Variants in ZFP36L2 observed in about 807,000 individuals in gnomAD.
ZFP36L2 encodes ZFP36 like 2 zinc finger CCCH-type, also known as mRNA decay activator protein ZFP36L2.
ZFP36L2 carries 16 observed loss-of-function variants against 27.9 expected under a neutral mutation model. That is an observed-to-expected ratio of 0.57 (90% confidence interval 0.39 to 0.87). ZFP36L2 has a LOEUF of 0.87. ZFP36L2 is among the 40% of genes least tolerant of loss of function. The pLI is 0.00. For missense variants in ZFP36L2, 989 were observed against 726.9 expected (o/e 1.36, Z -4.15); for synonymous variants, 600 against 363.8 (o/e 1.65, Z -7.39).
In ZFP36L2 at chr2:43,224,414, G is replaced by C. The variant is rs749594299; in HGVS notation, c.1390C>G (p.Leu464Val). 4 of 1,557,038 alleles carry C rather than the reference G, an allele frequency of 2.6e-6. No individual in the cohort carries two copies. In the South Asian group the frequency reaches 4.6e-5, roughly 18 times the overall value. Residue 464 changes from leucine to valine, a missense_variant, in exon 2 of 2, where the codon CTG becomes GTG. By Grantham distance (32) the Leu-to-Val change is conservative. Transcript: ENST00000282388. ...GAGCCGCTGAGGCTGCCGGAGCTCA[G>C]GGAGCCGCTTAGGTAGCTGTCGCGG... Reference protein sequence around the residue: ...SDRDSYLSGSLSSGSLSGSES... With the variant: ...SDRDSYLSGSVSSGSLSGSES...
chr2:43,226,185 C>T, intron 1 of ZFP36L2, 80 bp downstream of exon 1: 1 of 1,521,174 alleles, frequency 6.6e-7, no homozygotes, highest in South Asian at 1.2e-5. Flanking sequence ...GCGGGAGGGG[C>T]GTCCCCCAGA....
At position 43,225,802 on chromosome 2, in the gene ZFP36L2, C is replaced by A; in HGVS notation, c.52-50G>T. ...AGGGATGAAAAACGGAAGGGGAAGA[C>A]AGACTCGGGGCGAGCCGCAGAGGAA... On this transcript the variant is annotated intron_variant, in intron 1 of 1. Coordinates refer to ENST00000282388, the MANE Select transcript of ZFP36L2 (RefSeq NM_006887.5). The A allele has an allele frequency of 2.0e-6, 3 of 1,534,678 alleles. No homozygotes were observed. The South Asian group carries it at 3.5e-5, about 18-fold the overall frequency.
rs1169558647 is a variant in ZFP36L2, at chr2:43,224,647, A to G, written c.1157T>C (p.Val386Ala). The change falls in exon 2 of 2, where the codon GTG (valine) becomes GCG (alanine). Residue 386 changes from valine to alanine, a missense_variant. By Grantham distance (64) the Val-to-Ala change is moderately conservative (BLOSUM62 0). Coordinates refer to ENST00000282388, the MANE Select transcript of ZFP36L2 (RefSeq NM_006887.5). Reference sequence around the variant, plus strand: ...ACTGCGGTAGTAGGCGGCGGCGGCCACGGCGGCAAAGTTGTGGGTCTGGAT... The same window carrying G: ...ACTGCGGTAGTAGGCGGCGGCGGCCGCGGCGGCAAAGTTGTGGGTCTGGAT... Reference protein sequence around the residue: ...LAIQTHNFAAVAAAAYYRSQQ... With the variant: ...LAIQTHNFAAAAAAAYYRSQQ... The G allele has an allele frequency of 2.0e-6, 3 of 1,505,838 alleles. No homozygotes were observed. Among genetic ancestry groups the G allele is most frequent in the African/African-American group, 1.4e-5 (1 of 69,156 alleles). 93.3% of individuals were successfully genotyped at this position (1,505,838 alleles called of 1,614,324 possible). A position where few individuals can be genotyped will look rare whatever the true frequency, so the allele number is the denominator to read the frequency against.
chr2:43,225,775 G>T (rs748048225), intron 1 of ZFP36L2, 23 bp from the exon 2 acceptor site: 8 of 1,572,732 alleles, frequency 5.1e-6, no homozygotes, highest in Non-Finnish European at 6.9e-6. Flanking sequence ...GGGGAGCGGG[G>T]AAGGGATGAA....
rs1257725182 is a variant in ZFP36L2, at chr2:43,225,088, C to G, written c.716G>C (p.Arg239Pro). The G allele has an allele frequency of 1.3e-6, 2 of 1,593,820 alleles. No homozygotes were observed. The highest frequency in any genetic ancestry group is 1.1e-5 in the South Asian group (1 of 90,786). ...CGGGAAGCCCAGGTGCAACGCATCG[C>G]GCGTGCCAAAGGCACGCAGGTCCCC... Reference protein sequence around the residue: ...ASGDLRAFGTRDALHLGFPRE... With the variant: ...ASGDLRAFGTPDALHLGFPRE... Residue 239 changes from arginine (R) to proline (P), a missense_variant, in exon 2 of 2, where the codon CGC (arginine) becomes CCC (proline). Transcript: ENST00000282388.
chr2:43,226,372 G>A lies in ZFP36L2; in HGVS notation c.-57C>T. The A allele has an allele frequency of 3.9e-6, 6 of 1,551,050 alleles. No homozygotes were observed. The highest frequency in any genetic ancestry group is 1.7e-4 in the Middle Eastern group (1 of 5,838). ...GGCCGGGAGGTCGGGAGGAGCCCTT[G>A]GGGCGGCGTGGCCGGGCTTGAGCCA... is the stretch of plus-strand genomic sequence containing the variant. On this transcript the variant is annotated 5_prime_UTR_variant, in exon 1 of 2. Coordinates refer to ENST00000282388, the MANE Select transcript of ZFP36L2 (RefSeq NM_006887.5).
chr2:43,226,594 A>T lies in ZFP36L2; in HGVS notation c.-279T>A. On this transcript the variant is annotated 5_prime_UTR_variant, in exon 1 of 2. Coordinates refer to ENST00000282388, the MANE Select transcript of ZFP36L2 (RefSeq NM_006887.5). ...CCGCGGAGCCGACGGCAGCTCGCGG[A>T]CTGCTGGAACTCGGCGGCCTCCGAG... 1 of 467,222 alleles carries T rather than the reference A, an allele frequency of 2.1e-6. No homozygotes were observed. Among genetic ancestry groups the T allele is most frequent in the East Asian group, 4.1e-5 (1 of 24,286 alleles). 28.9% of individuals were successfully genotyped at this position (467,222 alleles called of 1,614,324 possible).
rs760046990 is a variant in ZFP36L2, at chr2:43,224,878, G to A, written c.926C>T (p.Ala309Val). The A allele has an allele frequency of 1.4e-5, 21 of 1,511,688 alleles. 1 individual carries two copies. Among genetic ancestry groups the A allele is most frequent in the South Asian group, 3.7e-5 (3 of 80,856 alleles). The allele number at this position is 1,511,688 out of a possible 1,614,324, so 93.6% of individuals were successfully genotyped here. Residue 309 changes from alanine to valine, a missense_variant, in exon 2 of 2, where the codon GCC (alanine) becomes GTC (valine). Coordinates refer to ENST00000282388, the MANE Select transcript of ZFP36L2 (RefSeq NM_006887.5). ...CSSSASSCSS[A>V]SAASTPSGAP... The stretch of plus-strand genomic sequence containing the variant: ...GCCCGAGGGCGTGGAGGCCGCGGAG[G>A]CCGAGGAACAGGAGGAGGCGGAGGA...
rs1420356900 is a variant in ZFP36L2 at position 43,225,002 on chromosome 2, G to A, written c.802C>T (p.His268Tyr). 5.7e-6 allele frequency: 9 copies of A among 1,592,880 alleles called. No individual in the cohort carries two copies. Among genetic ancestry groups the A allele is most frequent in the Non-Finnish European group, 6.8e-6 (8 of 1,177,956 alleles). ...GACTCGAGGCCGCCCGGGGGCTGAT[G>A]GTGGCCCGACGGGAAGCCCGAGAAG... is the stretch of plus-strand genomic sequence containing the variant. ...LSFSGFPSGH[H>Y]QPPGGLESPL... Residue 268 changes from histidine to tyrosine, a missense_variant, in exon 2 of 2, where the codon CAT becomes TAT. By Grantham distance (83) the His-to-Tyr change is moderately conservative. Coordinates refer to ENST00000282388, the MANE Select transcript of ZFP36L2 (RefSeq NM_006887.5).
intron 1 of ZFP36L2, 92 bp downstream of exon 1, chr2:43,226,173 G>A (rs934790913): frequency 1.2e-5 from 18 of 1,506,692 alleles, no homozygotes; most frequent in Admixed American, 2.0e-5. Flanking sequence ...CTGAAAGGCA[G>A]GGCGGGAGGG....
In ZFP36L2 at chr2:43,224,460, G is replaced by A. The variant is rs1667036855; in HGVS notation, c.1344C>T (p.Ser448=). The A allele has an allele frequency of 2.0e-6, 3 of 1,515,478 alleles. No individual in the cohort carries two copies. Among genetic ancestry groups the A allele is most frequent in the Non-Finnish European group, 2.6e-6 (3 of 1,137,420 alleles). 93.9% of individuals were successfully genotyped at this position (1,515,478 alleles called of 1,614,324 possible). The change falls in exon 2 of 2, where the codon AGC becomes AGT. Residue 448 remains serine (S), a synonymous_variant. Transcript: ENST00000282388. ...CGCGGTCCGACAGCGAGTCCGGGGG[G>A]CTGGGGGGCGCGTCGAACACGGGCG... ...SDSPVFDAPP[S]PPDSLSDRDS...
rs1572680529 is a variant in ZFP36L2 at position 43,224,455 on chromosome 2, G to A, written c.1349C>T (p.Pro450Leu). The A allele has an allele frequency of 1.3e-6, 2 of 1,514,970 alleles. No homozygotes were observed. Among genetic ancestry groups the A allele is most frequent in the Non-Finnish European group, 1.8e-6 (2 of 1,137,086 alleles). The allele number at this position is 1,514,970 out of a possible 1,614,324, so 93.8% of individuals were successfully genotyped here. A position where few individuals can be genotyped will look rare whatever the true frequency, so the allele number is the denominator to read the frequency against. ...GCTGTCGCGGTCCGACAGCGAGTCCGGGGGGCTGGGGGGCGCGTCGAACAC... is the reference window on the plus strand; with the variant it reads ...GCTGTCGCGGTCCGACAGCGAGTCCAGGGGGCTGGGGGGCGCGTCGAACAC... Reference protein sequence around the residue: ...SPVFDAPPSPPDSLSDRDSYL... With the variant: ...SPVFDAPPSPLDSLSDRDSYL... The change falls in exon 2 of 2, where the codon CCG becomes CTG. Residue 450 changes from proline to leucine, a missense_variant. Coordinates refer to ENST00000282388, the MANE Select transcript of ZFP36L2 (RefSeq NM_006887.5).
chr2:43,223,438 T>C lies in ZFP36L2; in HGVS notation c.*881A>G, dbSNP rs1056699338. The C allele has an allele frequency of 5.6e-4, 85 of 152,438 alleles. No individual in the cohort carries two copies. Among genetic ancestry groups the C allele is most frequent in the Middle Eastern group, 3.4e-3 (1 of 294 alleles). 9.4% of individuals were successfully genotyped at this position (152,438 alleles called of 1,614,324 possible). ...AAATACAGTATGAACAAAATTTTCA[T>C]TGTATACTTTTCACAAGATAATAAA... is the stretch of plus-strand genomic sequence containing the variant. On this transcript the variant is annotated 3_prime_UTR_variant, in exon 2 of 2. Coordinates refer to ENST00000282388, the MANE Select transcript of ZFP36L2 (RefSeq NM_006887.5).
chr2:43,223,472 A>G lies in ZFP36L2; in HGVS notation c.*847T>C, dbSNP rs1667011266. On this transcript the variant is annotated 3_prime_UTR_variant, in exon 2 of 2. Coordinates refer to ENST00000282388, the MANE Select transcript of ZFP36L2 (RefSeq NM_006887.5). ...TTTCACAAGATAATAAATAAGTTAA[A>G]TAGTTTTCATATTGAGTTGTGGTGC... The G allele has an allele frequency of 6.6e-6, 1 of 152,444 alleles. No individual in the cohort carries two copies. The highest frequency in any genetic ancestry group is 2.4e-5 in the African/African-American group (1 of 41,474). 9.4% of individuals were successfully genotyped at this position (152,444 alleles called of 1,614,324 possible).
chr2:43,225,645 G>C lies in ZFP36L2; in HGVS notation c.159C>G (p.Leu53=). 1.3e-6 allele frequency: 2 copies of C among 1,580,162 alleles called. No individual in the cohort carries two copies. Among genetic ancestry groups the C allele is most frequent in the Non-Finnish European group, 8.5e-7 (1 of 1,171,408 alleles). ...GCAGGTTGCTGGCCGAGTGCCGTCG[G>C]AGGAATCCCGGCGCGAAGCCCGAGC... The part of the protein sequence containing the change: ...APSSGFAPGF[L]RRHSASNLHA... The change falls in exon 2 of 2, where the codon CTC becomes CTG. Residue 53 remains leucine (L), a synonymous_variant. Coordinates refer to ENST00000282388, the MANE Select transcript of ZFP36L2 (RefSeq NM_006887.5).
In ZFP36L2 at chr2:43,225,729, G is replaced by A. The variant is rs774195604; in HGVS notation, c.75C>T (p.Leu25=). 1.9e-6 allele frequency: 3 copies of A among 1,594,140 alleles called. No individual in the cohort carries two copies. Among genetic ancestry groups the A allele is most frequent in the South Asian group, 1.1e-5 (1 of 90,842 alleles). Residue 25 remains leucine, a synonymous_variant, in exon 2 of 2, where the codon CTC becomes CTT. Transcript: ENST00000282388. The part of the protein sequence containing the change: ...LCKTEKSLAN[L]NLNNMLDKKA... ...TCTTGTCCAGCATGTTGTTCAGGTT[G>A]AGGTTGGCCAGGGATTTCTCTGTCT...
chr2:43,226,399 G>A lies in ZFP36L2; in HGVS notation c.-84C>T. On this transcript the variant is annotated 5_prime_UTR_variant, in exon 1 of 2. Coordinates refer to ENST00000282388, the MANE Select transcript of ZFP36L2 (RefSeq NM_006887.5). ...GGCGGCGTGGCCGGGCTTGAGCCACGACGAATAACGGGCGAGGGGCGGGGA... is the reference window on the plus strand; with the variant it reads ...GGCGGCGTGGCCGGGCTTGAGCCACAACGAATAACGGGCGAGGGGCGGGGA... The A allele has an allele frequency of 6.6e-7, 1 of 1,517,712 alleles. No individual in the cohort carries two copies. Among genetic ancestry groups the A allele is most frequent in the South Asian group, 1.2e-5 (1 of 83,322 alleles). The allele number at this position is 1,517,712 out of a possible 1,614,324, so 94.0% of individuals were successfully genotyped here. A position where few individuals can be genotyped will look rare whatever the true frequency, so the allele number is the denominator to read the frequency against.
At chr2:43,226,051 G>A (rs1281462120) in intron 1 of ZFP36L2, among the ~76,000 whole-genome samples, 2 of 152,210 alleles carry the variant, frequency 1.3e-5, no homozygotes, top group Non-Finnish European at 2.9e-5. Flanking sequence ...CGGGCAGCGT[G>A]GCCGCGGTCG....
Position 43,224,946 on chromosome 2 carries a change from G to A in ZFP36L2, c.858C>T (p.Arg286=). The part of the protein sequence containing the change: ...SPLLLDSPTS[R]TPPPPSCSSA... ...AAGAGCAGGAGGGCGGCGGCGGCGT[G>A]CGCGACGTGGGGCTGTCGAGCAGCA... The change falls in exon 2 of 2, where the codon CGC becomes CGT. Residue 286 remains arginine, a synonymous_variant. Coordinates refer to ENST00000282388, the MANE Select transcript of ZFP36L2 (RefSeq NM_006887.5). 4 of 1,552,468 alleles carry A rather than the reference G, an allele frequency of 2.6e-6. No homozygotes were observed. The South Asian group carries it at 3.5e-5, about 14-fold the overall frequency.
Sources: allele counts gnomAD v4.1 joint callset (sites outside exome capture counted in the v4.1 genomes callset), GRCh38; gene constraint gnomAD v4.1.1; transcripts MANE v1.5; gene names NCBI Gene and HGNC (gene_info 2026-07-23, HGNC 2026-07-21).